The following ATP9B variants were observed in gnomAD, a reference collection of about 807,000 sequenced individuals.
ATP9B encodes probable phospholipid-transporting ATPase IIB.
In ATP9B, 110 loss-of-function variants were observed where a neutral mutation model predicts 146.1. The observed-to-expected ratio is 0.75, with a 90% CI of 0.65 to 0.88. The LOEUF (loss-of-function observed/expected upper bound fraction) is 0.88. ATP9B is among the 40% of genes least tolerant of loss of function. The pLI is 0.00. For synonymous variants in ATP9B, 604 were observed against 569.7 expected (o/e 1.06, Z -0.86); for missense variants, 1,499 against 1,496.4 (o/e 1.00, Z -0.03).
chr18:79,286,154 G>C (rs1371269154), intron 13 of ATP9B, among the ~76,000 whole-genome samples: 2 of 150,824 alleles, frequency 1.3e-5, no homozygotes, highest in Admixed American at 6.6e-5. Flanking sequence ...ATTCTGTGAA[G>C]AAAGTCATTG....
intron 2 of ATP9B, among the ~76,000 whole-genome samples, chr18:79,102,944 A>G (rs1429420468): frequency 6.6e-6 from 1 of 152,228 alleles, no homozygotes; most frequent in Admixed American, 6.5e-5. Flanking sequence ...AGTGTGTAGA[A>G]ATACAGTTGA....
chr18:79,329,430 G>GTTTTT, intron 16 of ATP9B, 128 bp downstream of exon 16: 2 of 808,976 alleles, frequency 2.5e-6, no homozygotes, highest in African/African-American at 3.7e-5. Context: ...AGTTTTGTTT[G>GTTTTT]TTTTTTTTTT....
At chr18:79,258,012 CT>C (rs1406909855) in intron 12 of ATP9B, among the ~76,000 whole-genome samples, 13 of 152,172 alleles carry the variant, frequency 8.5e-5, no homozygotes, top group Non-Finnish European at 1.6e-4. Context: ...TCTCCAACCA[CT>C]TCTTTCTTTA....
At chr18:79,262,741 G>A (rs7240395) in intron 12 of ATP9B, among the ~76,000 whole-genome samples, 61,735 of 152,032 alleles carry the variant, frequency 0.41, 13,056 homozygotes, top group Middle Eastern at 0.54. Context: ...AGGGTCCAGC[G>A]TGGCTGCAAA....
At chr18:79,303,866 A>G in intron 14 of ATP9B, 150 bp downstream of exon 14, 1 of 546,726 alleles carries the variant, frequency 1.8e-6, no homozygotes, top group Non-Finnish European at 3.3e-6. Context: ...GAATATACGA[A>G]TCAGGAAATC....
intron 25 of ATP9B, 130 bp from the exon 26 acceptor site, chr18:79,359,224 A>G: frequency 1.5e-6 from 1 of 647,144 alleles, no homozygotes. Flanking sequence ...TTGGTTGCCA[A>G]CTTACTTTGT....
At chr18:79,235,528 G>C (rs781291324) in intron 11 of ATP9B, among the ~76,000 whole-genome samples, 5 of 151,946 alleles carry the variant, frequency 3.3e-5, no homozygotes, top group Non-Finnish European at 7.4e-5. Flanking sequence ...GACACTTTTT[G>C]GTTTTTGTTT....
At chr18:79,353,885 C>T (rs569767828) in intron 25 of ATP9B, 10 of 152,112 alleles carry the variant, frequency 6.6e-5, no homozygotes, top group African/African-American at 1.4e-4. Flanking sequence ...TTAAAGATTT[C>T]GAGGGAAGTA....
At chr18:79,228,772 C>G (rs554237801) in intron 11 of ATP9B, among the ~76,000 whole-genome samples, 204 of 152,226 alleles carry the variant, frequency 1.3e-3, no homozygotes, top group Non-Finnish European at 2.5e-3. Context: ...CGCCTGTAAT[C>G]CCACCACTTT....
chr18:79,176,970 T>C, intron 8 of ATP9B, 63 bp downstream of exon 8: 1 of 1,350,632 alleles, frequency 7.4e-7, no homozygotes, highest in South Asian at 1.3e-5. Flanking sequence ...GCTTCACGTA[T>C]ATTTCTGTTT....
chr18:79,300,176 G>C (rs1374983604), intron 13 of ATP9B, among the ~76,000 whole-genome samples: 1 of 152,206 alleles, frequency 6.6e-6, no homozygotes, highest in Non-Finnish European at 1.5e-5. Flanking sequence ...AGCTTCAGGA[G>C]GGGGGCACTC....
At chr18:79,230,301 G>T (rs115371622) in intron 11 of ATP9B, among the ~76,000 whole-genome samples, 1 of 152,220 alleles carries the variant, frequency 6.6e-6, no homozygotes, top group African/African-American at 2.4e-5. Flanking sequence ...TGACATGATC[G>T]TATGCCTAGA....
Position 79,243,658 on chromosome 18 carries a change from G to A in ATP9B, c.1108-9723G>A, listed in dbSNP as rs544627349. ...GTTATCAAGGTGGTGGAAACATGCT[G>A]AAGTCAGCTGGACCACAGTTGAGCA... On this transcript the variant is annotated intron_variant, in intron 11 of 29. Transcript: ENST00000426216. Among the ~76,000 whole-genome samples the A allele has an allele frequency of 3.3e-5, 5 of 152,352 alleles. No individual in the cohort carries two copies. In the South Asian group the frequency reaches 6.2e-4, roughly 19 times the overall value.
intron 26 of ATP9B, among the ~76,000 whole-genome samples, chr18:79,369,868 G>T (rs1267717989): frequency 1.3e-5 from 2 of 152,230 alleles, no homozygotes; most frequent in African/African-American, 4.8e-5. Context: ...GGAGGCCGAA[G>T]CAGACAGATC....
intron 11 of ATP9B, among the ~76,000 whole-genome samples, chr18:79,218,186 G>A (rs2095645496): frequency 6.6e-6 from 1 of 151,492 alleles, no homozygotes; most frequent in African/African-American, 2.4e-5. Flanking sequence ...TCTGGCACAG[G>A]CTGGCAGCTC....
At chr18:79,176,241 T>C (rs573214588) in intron 7 of ATP9B, among the ~76,000 whole-genome samples, 2 of 152,342 alleles carry the variant, frequency 1.3e-5, no homozygotes, top group South Asian at 2.1e-4. Context: ...ATCATTAGAA[T>C]AGATTCTGAG....
At chr18:79,137,373 G>A (rs773644248) in intron 5 of ATP9B, among the ~76,000 whole-genome samples, 1 of 152,044 alleles carries the variant, frequency 6.6e-6, no homozygotes, top group Non-Finnish European at 1.5e-5. Flanking sequence ...ATCTTTTTGG[G>A]TGGTGGATAT....
chr18:79,282,106 G>C (rs892316739), intron 13 of ATP9B, among the ~76,000 whole-genome samples: 4 of 152,180 alleles, frequency 2.6e-5, no homozygotes, highest in African/African-American at 9.7e-5. Flanking sequence ...GAAGATGACT[G>C]AACTGCGGCA....
intron 2 of ATP9B, among the ~76,000 whole-genome samples, 177 bp downstream of exon 2, chr18:79,096,826 G>A (rs1487930707): frequency 6.6e-6 from 1 of 152,118 alleles, no homozygotes; most frequent in East Asian, 1.9e-4. Flanking sequence ...GAAAGGAAAG[G>A]AAAGCCAAAT....
Sources: gnomAD v4.1 joint callset for allele counts (sites outside exome capture counted in the v4.1 genomes callset) on GRCh38, gnomAD v4.1.1 for gene constraint, MANE v1.5 for transcripts, NCBI Gene and HGNC (gene_info 2026-07-23, HGNC 2026-07-21) for gene names.